Variants in VOPP1 observed in about 807,000 individuals in gnomAD.
VOPP1 encodes WW domain binding protein VOPP1.
A neutral mutation model predicts 23.5 loss-of-function variants in VOPP1; 8 were observed. That is an observed-to-expected ratio of 0.34 (90% CI 0.20 to 0.61). The LOEUF (loss-of-function observed/expected upper bound fraction) is 0.61, where lower values mean the gene tolerates loss of function less well. Ranked by LOEUF, VOPP1 falls within the 20% of genes least tolerant of loss-of-function variation. The pLI is 0.78. For missense variants in VOPP1, 174 were observed against 238.1 expected (o/e 0.73, Z 1.77); for synonymous variants, 83 against 97.3 (o/e 0.85, Z 0.86).
intron 2 of VOPP1, among the ~76,000 whole-genome samples, chr7:55,502,222 A>G (rs1190171671): frequency 6.6e-6 from 1 of 152,212 alleles, no homozygotes; most frequent in Non-Finnish European, 1.5e-5. Context: ...ATTAACACAC[A>G]TACACCCCTC....
chr7:55,572,166 T>G (rs1798387115), intron 1 of VOPP1, 105 bp downstream of exon 1: 1 of 910,156 alleles, frequency 1.1e-6, no homozygotes, highest in African/African-American at 1.8e-5. Context: ...CTCCACCGTC[T>G]GCGCTCCCAG....
chr7:55,533,182 A>G (rs1222025126), intron 1 of VOPP1, among the ~76,000 whole-genome samples: 2 of 152,164 alleles, frequency 1.3e-5, no homozygotes, highest in African/African-American at 2.4e-5. Flanking sequence ...ACAAACTCAC[A>G]TGAGTGCCTC....
intron 4 of VOPP1, among the ~76,000 whole-genome samples, chr7:55,481,592 C>T (rs1406307716): frequency 6.6e-6 from 1 of 152,228 alleles, no homozygotes; most frequent in Non-Finnish European, 1.5e-5. Flanking sequence ...CCTCCACTCC[C>T]ACCTTTTTGA....
intron 4 of VOPP1, among the ~76,000 whole-genome samples, chr7:55,486,576 A>G (rs1793163021): frequency 6.6e-6 from 1 of 152,174 alleles, no homozygotes; most frequent in Admixed American, 6.5e-5. Flanking sequence ...GAGGCCCGCC[A>G]TATTGGGAGG....
At chr7:55,561,045 G>T (rs899549726) in intron 1 of VOPP1, among the ~76,000 whole-genome samples, 7 of 152,120 alleles carry the variant, frequency 4.6e-5, no homozygotes, top group African/African-American at 1.4e-4. Context: ...ATCCAAGACT[G>T]CCCGAAATGC....
chr7:55,460,575 G>A (rs1234931834), intron 4 of VOPP1, among the ~76,000 whole-genome samples: 1 of 152,056 alleles, frequency 6.6e-6, no homozygotes, highest in Non-Finnish European at 1.5e-5. Flanking sequence ...ACAGCTGGGT[G>A]CTCGAGTGTG....
chr7:55,436,815 C>G (rs1249629719), intron 4 of VOPP1, among the ~76,000 whole-genome samples: 2 of 152,108 alleles, frequency 1.3e-5, no homozygotes, highest in East Asian at 1.9e-4. Context: ...TCCAGGAATT[C>G]AGAGAGACCA....
chr7:55,483,528 C>T (rs200207356), intron 4 of VOPP1, among the ~76,000 whole-genome samples: 2 of 152,128 alleles, frequency 1.3e-5, no homozygotes, highest in East Asian at 3.9e-4. Flanking sequence ...AATGCCCCAC[C>T]CTGGCCAAAT....
chr7:55,526,009 A>G (rs1584031893), intron 1 of VOPP1, among the ~76,000 whole-genome samples: 1 of 152,176 alleles, frequency 6.6e-6, no homozygotes, highest in East Asian at 1.9e-4. Context: ...AGGCATCCTC[A>G]GTTTTCAGGA....
At chr7:55,560,942 A>C (rs1314716215) in intron 1 of VOPP1, among the ~76,000 whole-genome samples, 1 of 152,124 alleles carries the variant, frequency 6.6e-6, no homozygotes, top group Non-Finnish European at 1.5e-5. Context: ...CTCATGATGC[A>C]CTGCCATCCC....
chr7:55,495,953 G>A lies in VOPP1; in HGVS notation c.191+1660C>T, dbSNP rs114941631. Among the ~76,000 whole-genome samples the A allele has an allele frequency of 5.3e-3, 803 of 152,206 alleles. 9 individuals are homozygous for A. Among genetic ancestry groups the A allele is most frequent in the African/African-American group, 0.019 (771 of 41,526 alleles). On this transcript the variant is annotated intron_variant, in intron 3 of 4. Transcript: ENST00000285279. ...GACTTGTGGGAGCTTCTCCAAATGGGGCCCACCAAGTCGTCGTGTGCTGCC... is the reference window on the plus strand; with the variant it reads ...GACTTGTGGGAGCTTCTCCAAATGGAGCCCACCAAGTCGTCGTGTGCTGCC...
At chr7:55,477,341 G>A (rs1039062098) in intron 4 of VOPP1, among the ~76,000 whole-genome samples, 5 of 152,328 alleles carry the variant, frequency 3.3e-5, no homozygotes, top group South Asian at 2.1e-4. Context: ...ATAAATACAC[G>A]GGAGGAGTGA....
downstream of VOPP1, among the ~76,000 whole-genome samples, chr7:55,469,222 A>G (rs1330340355): frequency 6.6e-6 from 1 of 152,172 alleles, no homozygotes; most frequent in African/African-American, 2.4e-5. Flanking sequence ...TTAATGAAGC[A>G]TGAAAACTAT....
downstream of VOPP1, among the ~76,000 whole-genome samples, chr7:55,469,628 G>C (rs1028842173): frequency 6.6e-6 from 1 of 152,194 alleles, no homozygotes; most frequent in African/African-American, 2.4e-5. Flanking sequence ...CCCTTTCTTT[G>C]TTCTGCCTTT....
chr7:55,497,724 A>ATTGGAAG (rs1284025646), intron 2 of VOPP1, 34 bp from the exon 3 acceptor site: 9 of 1,602,078 alleles, frequency 5.6e-6, no homozygotes, highest in African/African-American at 1.3e-5. Flanking sequence ...TCAGCACTGA[A>ATTGGAAG]TTGGAAGCAG....
rs1214913971 is a variant in VOPP1 at position 55,516,905 on chromosome 7, CATATATATATATAT to C, written c.113+4153_113+4166del. On this transcript the variant is annotated intron_variant, in intron 2 of 4. Coordinates refer to ENST00000285279, the MANE Select transcript of VOPP1 (RefSeq NM_030796.5). ...TGTACTTTTTAGATGAGATCCATTACATATATATATATATATATATATATATATTTTTTTTTTTT... is the reference window on the plus strand; with the variant it reads ...TGTACTTTTTAGATGAGATCCATTACATATATATATATATTTTTTTTTTTT... Among the ~76,000 whole-genome samples the C allele has an allele frequency of 2.1e-3, 90 of 43,158 alleles. 1 individual carries two copies. The highest frequency in any genetic ancestry group is 6.1e-3 in the African/African-American group (65 of 10,716). 28.3% of individuals were successfully genotyped at this position (43,158 alleles called of 152,430 possible).
In VOPP1 at chr7:55,439,041, C is replaced by G. The variant is rs17172482; in HGVS notation, n.418-2867G>C. ...CGGGCTGAGATGGAACCCGGTTGTA[C>G]GCACATTGAGTTCAAGGTGGTTTAT... On this transcript the variant is annotated intron_variant and non_coding_transcript_variant, in intron 4 of 4. Coordinates refer to the VOPP1 transcript ENST00000462326. Among the ~76,000 whole-genome samples the G allele has an allele frequency of 2.0e-5, 3 of 152,194 alleles. No homozygotes were observed. In the East Asian group the frequency reaches 5.8e-4, roughly 29 times the overall value.
chr7:55,569,705 T>C (rs1175616224), intron 1 of VOPP1, among the ~76,000 whole-genome samples: 6 of 152,166 alleles, frequency 3.9e-5, no homozygotes, highest in Non-Finnish European at 7.4e-5. Context: ...TAAGCAAACA[T>C]AAATATGCAG....
chr7:55,561,457 TC>T (rs1200845983), intron 1 of VOPP1, among the ~76,000 whole-genome samples: 3 of 152,014 alleles, frequency 2.0e-5, no homozygotes, highest in Non-Finnish European at 4.4e-5. Context: ...ATACCTGTAG[TC>T]CCAGCTCTCT....
Sources: gnomAD v4.1 joint callset for allele counts (sites outside exome capture counted in the v4.1 genomes callset) on GRCh38, gnomAD v4.1.1 for gene constraint, MANE v1.5 for transcripts, NCBI Gene and HGNC (gene_info 2026-07-23, HGNC 2026-07-21) for gene names.